AGBL4: variants seen among roughly 807,000 people sequenced by gnomAD.
AGBL4 encodes the protein AGBL carboxypeptidase 4.
In AGBL4, 58 loss-of-function variants were observed where a neutral mutation model predicts 66.4. The observed-to-expected ratio is 0.87, with a 90% CI of 0.71 to 1.09. The LOEUF is 1.09. AGBL4 is among the 50% of genes least tolerant of loss of function. The pLI, the probability that AGBL4 is intolerant of heterozygous loss-of-function variation, is 0.00. For synonymous variants in AGBL4, 234 were observed against 222.9 expected (o/e 1.05, Z -0.44); for missense variants, 579 against 631.0 (o/e 0.92, Z 0.88).
intron 5 of AGBL4, among the ~76,000 whole-genome samples, chr1:48,993,045 C>T (rs1660731482): frequency 6.6e-6 from 1 of 152,102 alleles, no homozygotes. Context: ...TTTTCTCAAG[C>T]AGAAGGAGTC....
At chr1:49,063,374 A>G (rs1644436066) in intron 4 of AGBL4, among the ~76,000 whole-genome samples, 1 of 152,216 alleles carries the variant, frequency 6.6e-6, no homozygotes, top group South Asian at 2.1e-4. Context: ...ATGGCAAAAA[A>G]CATGGCAAAG....
chr1:49,824,730 C>A lies in AGBL4; in HGVS notation c.157+26666G>T, dbSNP rs1278152588. ...AAAGCAAGGAAGCATAAAATTACAC[C>A]ACGCATGTGGAGAACTAAAACTGTG... is the stretch of plus-strand genomic sequence containing the variant. On this transcript the variant is annotated intron_variant, in intron 2 of 13. Transcript: ENST00000371839. 2.6e-5 allele frequency among the ~76,000 whole-genome samples: 4 copies of A among 152,130 alleles called. No individual in the cohort carries two copies. The East Asian group carries it at 7.7e-4, about 29-fold the overall frequency.
chr1:49,125,828 G>A (rs1645753960), intron 4 of AGBL4, among the ~76,000 whole-genome samples: 1 of 152,242 alleles, frequency 6.6e-6, no homozygotes, highest in East Asian at 1.9e-4. Flanking sequence ...CCAAGTTCCT[G>A]TCTTTTCCAC....
intron 3 of AGBL4, among the ~76,000 whole-genome samples, chr1:49,635,070 G>T (rs191198220): frequency 5.1e-4 from 77 of 152,228 alleles, no homozygotes; most frequent in African/African-American, 1.8e-3. Context: ...CAAGAAGAAG[G>T]CCCCTGAAAG....
intron 6 of AGBL4, among the ~76,000 whole-genome samples, chr1:48,860,701 G>A (rs1429137712): frequency 6.6e-6 from 1 of 152,296 alleles, no homozygotes; most frequent in Non-Finnish European, 1.5e-5. Context: ...CATTGAATCT[G>A]CAATATACTC....
chr1:48,744,060 G>A (rs1650348179), intron 6 of AGBL4, among the ~76,000 whole-genome samples: 1 of 152,148 alleles, frequency 6.6e-6, no homozygotes, highest in Non-Finnish European at 1.5e-5. Context: ...TCCCATTCCT[G>A]GCTACACTAT....
chr1:48,718,055 G>C (rs1260132318), intron 6 of AGBL4, among the ~76,000 whole-genome samples: 3 of 152,184 alleles, frequency 2.0e-5, no homozygotes, highest in Non-Finnish European at 4.4e-5. Context: ...CCTGTTGGCT[G>C]CCCTTCTCAC....
chr1:49,000,533 T>C (rs1431271941), intron 5 of AGBL4, among the ~76,000 whole-genome samples: 2 of 152,224 alleles, frequency 1.3e-5, no homozygotes, highest in African/African-American at 4.8e-5. Flanking sequence ...TTTTCTAATA[T>C]GTAAAATTAG....
At chr1:48,982,802 G>A (rs1240887026) in intron 5 of AGBL4, among the ~76,000 whole-genome samples, 1 of 152,104 alleles carries the variant, frequency 6.6e-6, no homozygotes, top group Non-Finnish European at 1.5e-5. Flanking sequence ...GGTTGAACTA[G>A]TTTACAGTCC....
At chr1:48,966,234 A>G (rs1363591762) in intron 5 of AGBL4, among the ~76,000 whole-genome samples, 1 of 152,168 alleles carries the variant, frequency 6.6e-6, no homozygotes, top group Non-Finnish European at 1.5e-5. Flanking sequence ...TGAGCAATCA[A>G]ATGTATGTCT....
intron 4 of AGBL4, among the ~76,000 whole-genome samples, chr1:49,144,796 G>A (rs1016586304): frequency 3.9e-5 from 6 of 152,184 alleles, no homozygotes; most frequent in South Asian, 2.1e-4. Context: ...AGGAAGACAC[G>A]TAGTTAGGTT....
chr1:48,776,898 C>A lies in AGBL4; in HGVS notation c.634+90293G>T, dbSNP rs1314455481. Reference sequence around the variant, plus strand: ...GCGGGGCGGGCGCGGAGGTGGGGATCCGGCGGGGGGCGCGAGTCTCGCTAC... The same window carrying A: ...GCGGGGCGGGCGCGGAGGTGGGGATACGGCGGGGGGCGCGAGTCTCGCTAC... On this transcript the variant is annotated intron_variant, in intron 6 of 13. Coordinates refer to ENST00000371839, the MANE Select transcript of AGBL4 (RefSeq NM_032785.4). 52 of 950,254 alleles carry A rather than the reference C, an allele frequency of 5.5e-5. No individual in the cohort carries two copies. The African/African-American group carries it at 8.4e-4, about 15-fold the overall frequency. 58.9% of individuals were successfully genotyped at this position (950,254 alleles called of 1,614,324 possible).
chr1:49,118,395 A>G (rs531685874), intron 4 of AGBL4, among the ~76,000 whole-genome samples: 2 of 152,314 alleles, frequency 1.3e-5, no homozygotes, highest in South Asian at 2.1e-4. Flanking sequence ...CATTCCATCA[A>G]TATGTAGTTT....
intron 4 of AGBL4, among the ~76,000 whole-genome samples, chr1:49,127,361 C>T (rs1645786793): frequency 6.6e-6 from 1 of 152,026 alleles, no homozygotes; most frequent in Admixed American, 6.6e-5. Context: ...ATGGGTGCAC[C>T]AAAATCTCAC....
At chr1:49,889,701 G>T (rs1648438541) in intron 1 of AGBL4, among the ~76,000 whole-genome samples, 3 of 151,456 alleles carry the variant, frequency 2.0e-5, no homozygotes, top group Non-Finnish European at 1.5e-5. Flanking sequence ...AGGTTGCAGG[G>T]AGCCCAGACC....
rs759911695 is a variant in AGBL4 at position 48,759,318 on chromosome 1, G to A, written c.635-96077C>T. On this transcript the variant is annotated intron_variant, in intron 6 of 13. Transcript: ENST00000371839. ...GACAACGAGAATCAGTTCAGGCAAGGGCAGCTGGGATTTTCTTGGACTGCA... is the reference window on the plus strand; with the variant it reads ...GACAACGAGAATCAGTTCAGGCAAGAGCAGCTGGGATTTTCTTGGACTGCA... 1.3e-6 allele frequency: 2 copies of A among 1,538,874 alleles called. 1 individual carries two copies. The highest frequency in any genetic ancestry group is 2.4e-5 in the South Asian group (2 of 82,638).
At chr1:49,651,873 T>A (rs1188170004) in intron 3 of AGBL4, among the ~76,000 whole-genome samples, 1 of 152,034 alleles carries the variant, frequency 6.6e-6, no homozygotes, top group Non-Finnish European at 1.5e-5. Context: ...AAATTAAAAT[T>A]CTAAAATGAT....
intron 6 of AGBL4, among the ~76,000 whole-genome samples, chr1:48,791,753 A>C (rs894176466): frequency 1.3e-5 from 2 of 152,254 alleles, no homozygotes; most frequent in Non-Finnish European, 2.9e-5. Flanking sequence ...CAATTAAATA[A>C]GAGCATAAGG....
chr1:48,618,980 T>A (rs1355214512), intron 9 of AGBL4, among the ~76,000 whole-genome samples: 1 of 151,966 alleles, frequency 6.6e-6, no homozygotes, highest in Non-Finnish European at 1.5e-5. Flanking sequence ...ATTTCTCCTT[T>A]CTAGGTTGGC....
Sources: allele counts gnomAD v4.1 joint callset (sites outside exome capture counted in the v4.1 genomes callset), GRCh38; gene constraint gnomAD v4.1.1; transcripts MANE v1.5; gene names NCBI Gene and HGNC (gene_info 2026-07-23, HGNC 2026-07-21).